The following LMBR1 variants were observed in gnomAD, a reference collection of about 807,000 sequenced individuals.
LMBR1 encodes limb region 1 protein homolog.
In LMBR1, 52 loss-of-function variants were observed where a neutral mutation model predicts 73.9. The observed-to-expected ratio is 0.70, with a 90% CI of 0.56 to 0.89. The LOEUF (loss-of-function observed/expected upper bound fraction) is 0.89, where lower values mean the gene tolerates loss of function less well. LMBR1 is among the 40% of genes least tolerant of loss of function. The pLI is 0.00. For missense variants in LMBR1, 539 were observed against 579.8 expected (o/e 0.93, Z 0.72); for synonymous variants, 215 against 209.4 (o/e 1.03, Z -0.23).
At chr7:156,837,769 C>T (rs1431588228) in intron 1 of LMBR1, among the ~76,000 whole-genome samples, 1 of 146,298 alleles carries the variant, frequency 6.8e-6, no homozygotes, top group Non-Finnish European at 1.5e-5. Context: ...TCATTAAATT[C>T]TGTATTTTTA....
intron 1 of LMBR1, 195 bp downstream of exon 1, chr7:156,892,733 G>A (rs1440548834): frequency 5.0e-6 from 2 of 398,778 alleles, no homozygotes; most frequent in East Asian, 4.1e-5. Context: ...GGGGAGGGGA[G>A]GGGAGAGGAG....
intron 15 of LMBR1, among the ~76,000 whole-genome samples, chr7:156,701,854 C>T (rs1809779644): frequency 6.6e-6 from 1 of 152,168 alleles, no homozygotes; most frequent in Non-Finnish European, 1.5e-5. Context: ...GTTCAGTTCC[C>T]ACTTATAAGT....
At chr7:156,775,393 C>A (rs528891199) in intron 5 of LMBR1, among the ~76,000 whole-genome samples, 1 of 152,206 alleles carries the variant, frequency 6.6e-6, no homozygotes, top group Non-Finnish European at 1.5e-5. Context: ...AAATGAAGAT[C>A]TTCCTAAATA....
At chr7:156,813,938 G>A (rs9654686) in intron 4 of LMBR1, among the ~76,000 whole-genome samples, 11,420 of 151,664 alleles carry the variant, frequency 0.075, 494 homozygotes, top group East Asian at 0.14. Context: ...TTCCTCTAAC[G>A]AACTAAAATA....
chr7:156,673,528 G>C (rs147531041), downstream of LMBR1, among the ~76,000 whole-genome samples: 1 of 152,138 alleles, frequency 6.6e-6, no homozygotes, highest in Non-Finnish European at 1.5e-5. Context: ...ATTACATTCA[G>C]AGTGAAAGAG....
chr7:156,866,246 T>C (rs1798441241), intron 1 of LMBR1, among the ~76,000 whole-genome samples: 1 of 152,006 alleles, frequency 6.6e-6, no homozygotes, highest in South Asian at 2.1e-4. Flanking sequence ...CAAAAGAAAA[T>C]TTTATTTGGG....
chr7:156,872,881 G>C (rs12673608), intron 1 of LMBR1, among the ~76,000 whole-genome samples: 58,061 of 151,902 alleles, frequency 0.38, 11,295 homozygotes, highest in East Asian at 0.46. Context: ...ACCGAAAGAC[G>C]CTCTGAAAGA....
downstream of LMBR1, chr7:156,676,257 G>A (rs1281796394): frequency 2.1e-5 from 30 of 1,430,200 alleles, no homozygotes; most frequent in South Asian, 9.8e-5. Flanking sequence ...ATATATATAT[G>A]TATATATATA....
downstream of LMBR1, chr7:156,675,669 G>A (rs2131755483): frequency 1.9e-6 from 3 of 1,599,844 alleles, no homozygotes; most frequent in Non-Finnish European, 2.6e-6. Context: ...TCAGGTGTGA[G>A]CTTACCCGCC....
chr7:156,829,231 C>A (rs758896021), intron 3 of LMBR1, among the ~76,000 whole-genome samples: 1 of 152,166 alleles, frequency 6.6e-6, no homozygotes, highest in Non-Finnish European at 1.5e-5. Flanking sequence ...ACTAAGAATT[C>A]TTTGTTTGAG....
At chr7:156,728,756 C>G (rs757223635) in intron 10 of LMBR1, 36 bp from the exon 11 acceptor site, 1 of 1,422,420 alleles carries the variant, frequency 7.0e-7, no homozygotes. Context: ...ACAAAGTTTT[C>G]TCCAAATTAA....
chr7:156,772,818 G>A (rs531619814), intron 5 of LMBR1, among the ~76,000 whole-genome samples: 14 of 151,880 alleles, frequency 9.2e-5, no homozygotes, highest in African/African-American at 2.4e-4. Context: ...ACTGCACTTC[G>A]GCCTGGACGA....
chr7:156,752,263 C>T (rs959623280), intron 9 of LMBR1, among the ~76,000 whole-genome samples: 1 of 152,192 alleles, frequency 6.6e-6, no homozygotes, highest in African/African-American at 2.4e-5. Context: ...CCCATGAGCA[C>T]ACAACTCTTG....
chr7:156,717,832 A>T (rs760370610), intron 15 of LMBR1, among the ~76,000 whole-genome samples: 2 of 152,204 alleles, frequency 1.3e-5, no homozygotes, highest in Non-Finnish European at 2.9e-5. Context: ...AGATTTTAAA[A>T]TTTTCTACAA....
chr7:156,781,844 T>C (rs1307377275), intron 5 of LMBR1, among the ~76,000 whole-genome samples: 5 of 152,142 alleles, frequency 3.3e-5, no homozygotes, highest in African/African-American at 7.2e-5. Flanking sequence ...TAACATAAAG[T>C]TCACCATCGT....
rs144458879 is a variant in LMBR1 at position 156,679,685 on chromosome 7, ACCT to A, written c.*4390_*4392del. On this transcript the variant is annotated 3_prime_UTR_variant, in exon 17 of 17. Transcript: ENST00000353442. ...ACCCATAGCCCACACGTGACTCTCCACCTCCTCACACTCAGACACAACAGATTC... is the reference window on the plus strand; with the variant it reads ...ACCCATAGCCCACACGTGACTCTCCACCTCACACTCAGACACAACAGATTC... 0.028 allele frequency: 4,239 copies of A among 152,182 alleles called. 107 individuals are homozygous for A. Among genetic ancestry groups the A allele is most frequent in the South Asian group, 0.1 (499 of 4,798 alleles). 9.4% of individuals were successfully genotyped at this position (152,182 alleles called of 1,614,324 possible).
At chr7:156,870,128 A>G (rs1799057735) in intron 1 of LMBR1, among the ~76,000 whole-genome samples, 1 of 152,214 alleles carries the variant, frequency 6.6e-6, no homozygotes, top group South Asian at 2.1e-4. Flanking sequence ...AGACTTCAAT[A>G]CCCCATTTTC....
chr7:156,745,761 A>C (rs1819730374), intron 9 of LMBR1, among the ~76,000 whole-genome samples: 2 of 152,222 alleles, frequency 1.3e-5, no homozygotes, highest in Admixed American at 6.5e-5. Context: ...TTCCCTTTGC[A>C]GCTCCTTGCT....
chr7:156,763,688 T>C lies in LMBR1; in HGVS notation c.531A>G (p.Ala177=), dbSNP rs1823549717. 4.4e-6 allele frequency: 7 copies of C among 1,592,216 alleles called. No individual in the cohort carries two copies. Among genetic ancestry groups the C allele is most frequent in the Non-Finnish European group, 6.0e-6 (7 of 1,174,346 alleles). ...VASALIDNDA[A]SMESLYDLWE... ...CCATACCATATAAAGATTCCATGCT[T>C]GCGGCATCGTTGTCAATGAGTGCTG... The change falls in exon 6 of 17, where the codon GCA becomes GCG. Residue 177 remains alanine (A), a synonymous_variant. Coordinates refer to ENST00000353442, the MANE Select transcript of LMBR1 (RefSeq NM_022458.4).
Sources: gnomAD v4.1 joint callset for allele counts (sites outside exome capture counted in the v4.1 genomes callset) on GRCh38, gnomAD v4.1.1 for gene constraint, MANE v1.5 for transcripts, NCBI Gene and HGNC (gene_info 2026-07-23, HGNC 2026-07-21) for gene names.